The following MALRD1 variants were observed in gnomAD, a reference collection of about 807,000 sequenced individuals.
MALRD1 encodes the protein MAM and LDL receptor class A domain containing 1.
MALRD1 carries 247 observed loss-of-function variants against 242.1 expected under a neutral mutation model. That is an observed-to-expected ratio of 1.02 (90% CI 0.92 to 1.13). MALRD1 has a LOEUF of 1.13. Among genes scored for constraint, MALRD1 ranks in the 50% most tolerant of loss-of-function variants. The pLI, the probability that MALRD1 is intolerant of heterozygous loss-of-function variation, is 0.00. For synonymous variants in MALRD1, 995 were observed against 866.6 expected, an observed-to-expected ratio of 1.15 and a Z score of -2.60; for missense variants, 2,989 against 2,533.1, an observed-to-expected ratio of 1.18 and a Z score of -3.86.
intron 26 of MALRD1, among the ~76,000 whole-genome samples, chr10:19,365,659 T>TAAAAAAAA (rs199989681): frequency 8.1e-6 from 1 of 122,920 alleles, no homozygotes; most frequent in African/African-American, 2.9e-5. Flanking sequence ...TTATAAATTC[T>TAAAAAAAA]AAAAAAAAAA....
intron 12 of MALRD1, among the ~76,000 whole-genome samples, chr10:19,160,153 G>A (rs949870022): frequency 6.6e-6 from 1 of 152,142 alleles, no homozygotes; most frequent in East Asian, 1.9e-4. Flanking sequence ...TTTGAATGAA[G>A]CAGGCATGCG....
chr10:19,387,046 C>T (rs888564864), intron 26 of MALRD1, among the ~76,000 whole-genome samples: 6 of 152,028 alleles, frequency 3.9e-5, no homozygotes, highest in African/African-American at 1.4e-4. Context: ...TATGCATAGC[C>T]GTGCTTCTAA....
chr10:19,725,315 A>G (rs1332218385), intron 38 of MALRD1, among the ~76,000 whole-genome samples: 1 of 152,138 alleles, frequency 6.6e-6, no homozygotes, highest in Non-Finnish European at 1.5e-5. Context: ...AAGTTCTCAC[A>G]AGGTCTGATG....
At chr10:19,141,586 A>G (rs1833544412) in intron 10 of MALRD1, among the ~76,000 whole-genome samples, 1 of 151,806 alleles carries the variant, frequency 6.6e-6, no homozygotes, top group African/African-American at 2.4e-5. Flanking sequence ...TATATATACA[A>G]TTTTCAATAA....
intron 10 of MALRD1, among the ~76,000 whole-genome samples, chr10:19,141,863 G>C (rs1256346604): frequency 1.3e-5 from 2 of 151,936 alleles, no homozygotes; most frequent in African/African-American, 4.8e-5. Flanking sequence ...ATTGTCTCTA[G>C]ATGTCTTTCA....
chr10:19,639,835 C>T (rs1840305570), intron 36 of MALRD1, among the ~76,000 whole-genome samples: 1 of 152,038 alleles, frequency 6.6e-6, no homozygotes, highest in African/African-American at 2.4e-5. Flanking sequence ...TTAATTAAAC[C>T]TAGAGTTACC....
At chr10:19,059,241 A>G (rs528112479) in intron 1 of MALRD1, among the ~76,000 whole-genome samples, 2 of 152,318 alleles carry the variant, frequency 1.3e-5, no homozygotes, top group Admixed American at 6.5e-5. Context: ...ACCCATCAAT[A>G]TATGCATTGT....
At chr10:19,168,559 G>A (rs1302620415) in intron 13 of MALRD1, among the ~76,000 whole-genome samples, 1 of 152,190 alleles carries the variant, frequency 6.6e-6, no homozygotes, top group Non-Finnish European at 1.5e-5. Context: ...AAGAGTTTCA[G>A]TGAATGCAAT....
At chr10:19,622,792 G>A (rs1013043504) in intron 36 of MALRD1, among the ~76,000 whole-genome samples, 1 of 151,750 alleles carries the variant, frequency 6.6e-6, no homozygotes. Flanking sequence ...TATTATACAG[G>A]CATCTGAATA....
At chr10:19,291,572 G>A (rs1383784268) in intron 21 of MALRD1, 2 of 151,894 alleles carry the variant, frequency 1.3e-5, no homozygotes, top group African/African-American at 4.8e-5. Context: ...ATGGAATGGA[G>A]TTGGGAATTT....
intron 24 of MALRD1, among the ~76,000 whole-genome samples, chr10:19,344,269 A>G (rs989582652): frequency 6.6e-6 from 1 of 152,102 alleles, no homozygotes; most frequent in Non-Finnish European, 1.5e-5. Flanking sequence ...TGTGTTCTTT[A>G]AAAAGTTGTA....
chr10:19,452,292 C>T (rs908821936), intron 29 of MALRD1, among the ~76,000 whole-genome samples: 1 of 152,148 alleles, frequency 6.6e-6, no homozygotes, highest in Non-Finnish European at 1.5e-5. Context: ...GAAGTCTGCA[C>T]TCTTTCTTCC....
intron 32 of MALRD1, among the ~76,000 whole-genome samples, chr10:19,538,402 A>G (rs1834781219): frequency 6.6e-6 from 1 of 152,226 alleles, no homozygotes; most frequent in Non-Finnish European, 1.5e-5. Flanking sequence ...ATGCCAAACC[A>G]GAAGAACTTA....
chr10:19,519,631 G>T (rs11010229), intron 31 of MALRD1, among the ~76,000 whole-genome samples: 1 of 151,708 alleles, frequency 6.6e-6, no homozygotes, highest in Non-Finnish European at 1.5e-5. Flanking sequence ...AGGTAGCCAG[G>T]TGTGTGCCTG....
chr10:19,712,094 A>T (rs1834150064), intron 38 of MALRD1, among the ~76,000 whole-genome samples: 1 of 152,150 alleles, frequency 6.6e-6, no homozygotes. Context: ...GAACTCAGAT[A>T]AGACAAATAT....
At chr10:19,119,386 G>C (rs1836983927) in intron 5 of MALRD1, among the ~76,000 whole-genome samples, 1 of 152,142 alleles carries the variant, frequency 6.6e-6, no homozygotes, top group South Asian at 2.1e-4. Context: ...CTATGTGGGA[G>C]ACTGGAGTTA....
chr10:19,113,815 A>ACACACT (rs1253887533), intron 5 of MALRD1, among the ~76,000 whole-genome samples: 6 of 146,984 alleles, frequency 4.1e-5, no homozygotes, highest in Non-Finnish European at 9.0e-5. Flanking sequence ...ACACACACAC[A>ACACACT]CACACACACA....
At chr10:19,534,724 C>G (rs1450099930) in intron 32 of MALRD1, among the ~76,000 whole-genome samples, 2 of 151,950 alleles carry the variant, frequency 1.3e-5, no homozygotes, top group Non-Finnish European at 2.9e-5. Context: ...TCATTGCTAG[C>G]TGGACTATCA....
At chr10:19,069,403 A>G (rs1355294964) in intron 2 of MALRD1, among the ~76,000 whole-genome samples, 1 of 152,030 alleles carries the variant, frequency 6.6e-6, no homozygotes, top group African/African-American at 2.4e-5. Context: ...CCTACAAATC[A>G]ATGTTATAAT....
Sources: allele counts gnomAD v4.1 joint callset (sites outside exome capture counted in the v4.1 genomes callset), GRCh38; gene constraint gnomAD v4.1.1; transcripts MANE v1.5; gene names NCBI Gene and HGNC (gene_info 2026-07-23, HGNC 2026-07-21).